MAP4K3: variants seen among roughly 807,000 people sequenced by gnomAD.
MAP4K3 encodes MAPK/ERK kinase kinase kinase 3.
A neutral mutation model predicts 143.5 loss-of-function variants in MAP4K3; 94 were observed. The ratio of observed to expected loss-of-function variants is 0.65; its 90% CI spans 0.55 to 0.78. The LOEUF (loss-of-function observed/expected upper bound fraction) is 0.78, where lower values mean the gene tolerates loss of function less well. Among genes scored for constraint, MAP4K3 ranks in the 30% least tolerant of loss-of-function variants. The probability of loss-of-function intolerance (pLI) is 0.00; values close to 1 mark genes in which losing one functional copy is unlikely to be tolerated. For synonymous variants in MAP4K3, 416 were observed against 347.2 expected, an observed-to-expected ratio of 1.20 and a Z score of -2.20; for missense variants, 1,077 against 1,068.1, an observed-to-expected ratio of 1.01 and a Z score of -0.12.
Position 39,260,075 on chromosome 2 carries a change from G to A in MAP4K3, c.2308+531C>T, listed in dbSNP as rs1028875964. 3.3e-5 allele frequency among the ~76,000 whole-genome samples: 5 copies of A among 152,114 alleles called. No homozygotes were observed. The South Asian group carries it at 8.3e-4, about 25-fold the overall frequency. Reference sequence around the variant, plus strand: ...TTCATTTCTAAATAAAAAAACTGGTGTATGTGCTCTCAGTATCATGTTTTG... The same window carrying A: ...TTCATTTCTAAATAAAAAAACTGGTATATGTGCTCTCAGTATCATGTTTTG... On this transcript the variant is annotated intron_variant, in intron 29 of 33. Coordinates refer to ENST00000263881, the MANE Select transcript of MAP4K3 (RefSeq NM_003618.4).
chr2:39,301,306 C>T (rs887367269), intron 15 of MAP4K3, among the ~76,000 whole-genome samples: 16 of 152,086 alleles, frequency 1.1e-4, no homozygotes, highest in African/African-American at 3.6e-4. Flanking sequence ...ACACAAAATT[C>T]CAATGAAAAA....
At position 39,280,296 on chromosome 2, in the gene MAP4K3, A is replaced by C. The variant is rs761802816; in HGVS notation, c.1690T>G (p.Ser564Ala). ...CCTCTTGTATCTGGGTTTATCCATG[A>C]TGATGCACAGTGAATTTTCAAGGGA... is the stretch of plus-strand genomic sequence containing the variant. ...GCPLKIHCAS[S>A]WINPDTRDQY... Residue 564 changes from serine (S) to alanine (A), a missense_variant, in exon 23 of 34, where the codon TCA (serine) becomes GCA (alanine). Physicochemically the swap from Ser to Ala is moderately conservative, Grantham distance 99. This residue lies in a region of MAP4K3 where 864 missense variants were observed against 801.2 expected (regional missense o/e 1.08). Coordinates refer to ENST00000263881, the MANE Select transcript of MAP4K3 (RefSeq NM_003618.4). 1 of 1,598,212 alleles carries C rather than the reference A, an allele frequency of 6.3e-7. No homozygotes were observed. Among genetic ancestry groups the C allele is most frequent in the Non-Finnish European group, 8.5e-7 (1 of 1,170,350 alleles).
intron 15 of MAP4K3, among the ~76,000 whole-genome samples, chr2:39,305,040 G>T (rs1368817801): frequency 6.6e-6 from 1 of 152,188 alleles, no homozygotes; most frequent in Non-Finnish European, 1.5e-5. Flanking sequence ...AGTGTTCGCT[G>T]CCAGGGGCTG....
chr2:39,305,217 T>C (rs2148494400), intron 15 of MAP4K3, among the ~76,000 whole-genome samples: 1 of 152,292 alleles, frequency 6.6e-6, no homozygotes, highest in South Asian at 2.1e-4. Flanking sequence ...TTTCGTAATG[T>C]ATATTTTACC....
intron 1 of MAP4K3, among the ~76,000 whole-genome samples, chr2:39,414,143 T>C (rs1054529418): frequency 6.6e-6 from 1 of 152,152 alleles, no homozygotes; most frequent in African/African-American, 2.4e-5. Flanking sequence ...CTAATCTCTA[T>C]AGAAATAGCC....
chr2:39,322,190 T>C (rs868300776), intron 12 of MAP4K3, among the ~76,000 whole-genome samples: 7 of 152,162 alleles, frequency 4.6e-5, no homozygotes, highest in East Asian at 3.9e-4. Context: ...TAGCTAGCCA[T>C]AGAGCTAGGA....
At chr2:39,267,565 C>A in intron 26 of MAP4K3, 1 of 237,912 alleles carries the variant, frequency 4.2e-6, no homozygotes, top group South Asian at 6.0e-5. Context: ...CCCAGCTACT[C>A]AGGAGGCTGA....
chr2:39,376,700 T>C (rs1277349873), intron 2 of MAP4K3, among the ~76,000 whole-genome samples: 1 of 152,198 alleles, frequency 6.6e-6, no homozygotes, highest in Non-Finnish European at 1.5e-5. Context: ...TCATCTTAAT[T>C]AGACCCAGGG....
intron 2 of MAP4K3, among the ~76,000 whole-genome samples, chr2:39,365,591 C>T (rs1665900368): frequency 6.6e-6 from 1 of 150,862 alleles, no homozygotes; most frequent in Non-Finnish European, 1.5e-5. Flanking sequence ...ACTACAGGCG[C>T]CCGCCACCGC....
At chr2:39,427,439 C>T (rs1434355873) in intron 1 of MAP4K3, among the ~76,000 whole-genome samples, 1 of 152,094 alleles carries the variant, frequency 6.6e-6, no homozygotes, top group Non-Finnish European at 1.5e-5. Context: ...AAAACTCCTA[C>T]ACGTAAATGT....
At position 39,272,556 on chromosome 2, in the gene MAP4K3, G is replaced by A. The variant is rs1681074121; in HGVS notation, c.1795-14C>T. ...TCGAGGGAATAGCTGATTAAAAAAA[G>A]GCACAAAGTTTACAAAGAATAATAC... On this transcript the variant is annotated splice_polypyrimidine_tract_variant and intron_variant, in intron 24 of 33. Coordinates refer to ENST00000263881, the MANE Select transcript of MAP4K3 (RefSeq NM_003618.4). 1.2e-6 allele frequency: 2 copies of A among 1,609,536 alleles called. No homozygotes were observed. The highest frequency in any genetic ancestry group is 1.7e-4 in the Middle Eastern group (1 of 6,004).
intron 3 of MAP4K3, among the ~76,000 whole-genome samples, chr2:39,350,475 A>G (rs1276899310): frequency 6.6e-6 from 1 of 152,166 alleles, no homozygotes; most frequent in East Asian, 1.9e-4. Context: ...CCTTTTTTAA[A>G]AGCAAGAGTA....
At chr2:39,428,557 T>A (rs1665171121) in intron 1 of MAP4K3, among the ~76,000 whole-genome samples, 1 of 151,720 alleles carries the variant, frequency 6.6e-6, no homozygotes, top group African/African-American at 2.4e-5. Flanking sequence ...GTGCCTGTAA[T>A]CCCAGCTACT....
At chr2:39,424,915 C>A (rs971863916) in intron 1 of MAP4K3, among the ~76,000 whole-genome samples, 2 of 151,380 alleles carry the variant, frequency 1.3e-5, no homozygotes, top group Admixed American at 1.3e-4. Flanking sequence ...GAAAAACAGT[C>A]CTCCAAGAAT....
chr2:39,423,346 G>A (rs1664952301), intron 1 of MAP4K3, among the ~76,000 whole-genome samples: 1 of 152,160 alleles, frequency 6.6e-6, no homozygotes, highest in Non-Finnish European at 1.5e-5. Context: ...GTCACTTTGG[G>A]AGGCATTTTG....
chr2:39,357,978 A>G (rs1001479690), intron 2 of MAP4K3, among the ~76,000 whole-genome samples: 2 of 152,244 alleles, frequency 1.3e-5, no homozygotes, highest in Non-Finnish European at 2.9e-5. Flanking sequence ...GAGAGTTATT[A>G]GTAGTCATGA....
chr2:39,288,275 C>T lies in MAP4K3; in HGVS notation c.1320G>A (p.Lys440=). 1 of 1,613,356 alleles carries T rather than the reference C, an allele frequency of 6.2e-7. No individual in the cohort carries two copies. Among genetic ancestry groups the T allele is most frequent in the Non-Finnish European group, 8.5e-7 (1 of 1,179,500 alleles). ...GCATTTCCTGTGGTATGAAGATAGA[C>T]TTAGGCTGAAATAATATAGAAAAAG... is the stretch of plus-strand genomic sequence containing the variant. ...KIPPPLPPKP[K]SIFIPQEMHS... Residue 440 remains lysine, a synonymous_variant, in exon 20 of 34, where the codon AAG becomes AAA. Coordinates refer to ENST00000263881, the MANE Select transcript of MAP4K3 (RefSeq NM_003618.4).
At chr2:39,365,071 G>A (rs950446205) in intron 2 of MAP4K3, among the ~76,000 whole-genome samples, 1 of 152,098 alleles carries the variant, frequency 6.6e-6, no homozygotes, top group African/African-American at 2.4e-5. Flanking sequence ...AGACGGCTTT[G>A]CAGGACCATT....
In MAP4K3 at chr2:39,280,253, T is replaced by C. The variant is rs771267756; in HGVS notation, c.1714+19A>G. Reference sequence around the variant, plus strand: ...TTTAAAAAATTAGGAAGATAACAGATAAAAACACACAATACTACCTCTTGT... The same window carrying C: ...TTTAAAAAATTAGGAAGATAACAGACAAAAACACACAATACTACCTCTTGT... On this transcript the variant is annotated intron_variant, in intron 23 of 33. Transcript: ENST00000263881. The C allele has an allele frequency of 2.8e-5, 40 of 1,410,236 alleles. No homozygotes were observed. In the African/African-American group the frequency reaches 4.4e-4, roughly 16 times the overall value. The allele number at this position is 1,410,236 out of a possible 1,614,324, so 87.4% of individuals were successfully genotyped here.
Sources: gnomAD v4.1 joint callset for allele counts (sites outside exome capture counted in the v4.1 genomes callset) on GRCh38, gnomAD v4.1.1 for gene constraint, gnomAD v4.1.1 regional missense constraint, MANE v1.5 for transcripts, NCBI Gene and HGNC (gene_info 2026-07-23, HGNC 2026-07-21) for gene names.